The following PRR14L variants were observed in gnomAD, a reference collection of about 807,000 sequenced individuals.
PRR14L encodes the protein protein PRR14L.
Under a neutral mutation model 155.0 loss-of-function variants are expected in PRR14L, and 80 were observed. The observed-to-expected ratio is 0.52, with a 90% confidence interval of 0.43 to 0.62. PRR14L has a LOEUF of 0.62. Among genes scored for constraint, PRR14L ranks in the 20% least tolerant of loss-of-function variants. PRR14L has a pLI of 0.00. For missense variants in PRR14L, 2,469 were observed against 2,548.0 expected (o/e 0.97, Z 0.67); for synonymous variants, 883 against 916.0 (o/e 0.96, Z 0.65).
At chr22:31,749,099 T>C (rs2074857080) in intron 1 of PRR14L, among the ~76,000 whole-genome samples, 2 of 152,226 alleles carry the variant, frequency 1.3e-5, no homozygotes, top group Admixed American at 6.5e-5. Context: ...AAAAGCTTAC[T>C]ATATAACTAG....
chr22:31,690,958 C>T lies in PRR14L; in HGVS notation c.6108-2731G>A, dbSNP rs1194862180. Reference sequence around the variant, plus strand: ...CCCGGCCTCCAGCTAATTTTTTTTTCTTTTCTATTTCTTTTTTTTTTTTGA... The same window carrying T: ...CCCGGCCTCCAGCTAATTTTTTTTTTTTTTCTATTTCTTTTTTTTTTTTGA... On this transcript the variant is annotated intron_variant, in intron 7 of 8. Transcript: ENST00000327423. Among the ~76,000 whole-genome samples, 9 of 143,056 alleles carry T rather than the reference C, an allele frequency of 6.3e-5. No individual in the cohort carries two copies. In the South Asian group the frequency reaches 6.7e-4, roughly 11 times the overall value. The allele number at this position is 143,056 out of a possible 152,430, so 93.9% of individuals were successfully genotyped here. A position where few individuals can be genotyped will look rare whatever the true frequency, so the allele number is the denominator to read the frequency against.
intron 4 of PRR14L, 42 bp downstream of exon 4, chr22:31,712,041 G>C (rs752367984): frequency 4.9e-5 from 75 of 1,534,020 alleles, no homozygotes; most frequent in Non-Finnish European, 5.9e-5. Context: ...GAGACAGGAA[G>C]CAAATATGGG....
intron 2 of PRR14L, among the ~76,000 whole-genome samples, chr22:31,737,150 G>A (rs1010545554): frequency 1.3e-5 from 2 of 151,964 alleles, no homozygotes; most frequent in African/African-American, 4.8e-5. Context: ...ACCACCCTGT[G>A]GAGAGAGTCC....
At chr22:31,718,359 C>G (rs553441729) in intron 3 of PRR14L, among the ~76,000 whole-genome samples, 10 of 151,598 alleles carry the variant, frequency 6.6e-5, no homozygotes, top group African/African-American at 2.4e-4. Context: ...GGGTTCATGC[C>G]ATTCTCCTGC....
Position 31,712,424 on chromosome 22 carries a change from G to A in PRR14L, c.5415C>T (p.Gly1805=). 6.4e-7 allele frequency: 1 copy of A among 1,571,638 alleles called. No homozygotes were observed. Among genetic ancestry groups the A allele is most frequent in the Non-Finnish European group, 8.6e-7 (1 of 1,157,830 alleles). Residue 1805 remains glycine (G), a synonymous_variant, in exon 4 of 9, where the codon GGC becomes GGT. Coordinates refer to ENST00000327423, the MANE Select transcript of PRR14L (RefSeq NM_173566.3). ...CTGCTCTGGTCTGGACTATGGCAGT[G>A]CCTCCATAGTCTTGGAGAGGAGCTG... The part of the protein sequence containing the change: ...QPPAPLQDYG[G]TAIVQTRADC...
intron 5 of PRR14L, 48 bp downstream of exon 5, chr22:31,704,607 A>ACACACACACGCACACGCG (rs1360692136): frequency 2.7e-6 from 4 of 1,466,938 alleles, no homozygotes; most frequent in Non-Finnish European, 2.9e-6. Flanking sequence ...TCTCTCTTGC[A>ACACACACACGCACACGCG]CACACACACG....
chr22:31,716,124 A>G lies in PRR14L; in HGVS notation c.1715T>C (p.Ile572Thr), dbSNP rs1275599017. The change falls in exon 4 of 9, where the codon ATT becomes ACT. Residue 572 changes from isoleucine (I) to threonine (T), a missense_variant. Coordinates refer to ENST00000327423, the MANE Select transcript of PRR14L (RefSeq NM_173566.3). Reference protein sequence around the residue: ...CNDFLFERKSIVSLMPEDQIS... With the variant: ...CNDFLFERKSTVSLMPEDQIS... ...TTGATCCTCTGGCATTAAACTCACA[A>G]TGGATTTTCTTTCAAACAGAAAATC... 3.2e-6 allele frequency: 5 copies of G among 1,551,388 alleles called. No homozygotes were observed. Among genetic ancestry groups the G allele is most frequent in the South Asian group, 1.2e-5 (1 of 84,066 alleles).
Position 31,685,524 on chromosome 22 carries a change from T to C in PRR14L, c.*3A>G. 1.3e-6 allele frequency: 2 copies of C among 1,543,898 alleles called. No individual in the cohort carries two copies. The highest frequency in any genetic ancestry group is 1.8e-6 in the Non-Finnish European group (2 of 1,141,354). The stretch of plus-strand genomic sequence containing the variant: ...AATTGAGACCCTCAAACTGAATCGC[T>C]TCTCAACAGCCTGATGATTGTTCCT... On this transcript the variant is annotated 3_prime_UTR_variant, in exon 9 of 9. Coordinates refer to ENST00000327423, the MANE Select transcript of PRR14L (RefSeq NM_173566.3).
intron 4 of PRR14L, among the ~76,000 whole-genome samples, chr22:31,710,089 C>T (rs2074613265): frequency 6.6e-6 from 1 of 152,062 alleles, no homozygotes; most frequent in South Asian, 2.1e-4. Flanking sequence ...TACAGGCATA[C>T]ACCACTATGC....
At chr22:31,744,186 G>T (rs1251248688) in intron 1 of PRR14L, among the ~76,000 whole-genome samples, 1 of 149,378 alleles carries the variant, frequency 6.7e-6, no homozygotes, top group Non-Finnish European at 1.5e-5. Context: ...AGGCTGGAGT[G>T]CAACAGTGCG....
intron 7 of PRR14L, among the ~76,000 whole-genome samples, chr22:31,699,950 A>T (rs1250567900): frequency 6.6e-6 from 1 of 152,086 alleles, no homozygotes; most frequent in African/African-American, 2.4e-5. Context: ...AAGATTTATT[A>T]AAAATTTTAT....
At chr22:31,747,613 T>G (rs938681240) in intron 1 of PRR14L, among the ~76,000 whole-genome samples, 1 of 151,676 alleles carries the variant, frequency 6.6e-6, no homozygotes, top group Non-Finnish European at 1.5e-5. Flanking sequence ...AAAGAATAAC[T>G]TTTCTATTTC....
intron 7 of PRR14L, among the ~76,000 whole-genome samples, chr22:31,700,094 G>C (rs1452534138): frequency 1.3e-5 from 2 of 151,856 alleles, no homozygotes; most frequent in Non-Finnish European, 2.9e-5. Context: ...CTAATGCCTG[G>C]GCAACAGAAC....
chr22:31,727,449 G>A (rs1003710508), intron 2 of PRR14L, among the ~76,000 whole-genome samples: 6 of 151,718 alleles, frequency 4.0e-5, no homozygotes, highest in African/African-American at 1.4e-4. Context: ...TGCTCAAGCT[G>A]GTCTCGAACT....
chr22:31,689,136 T>C (rs956434107), intron 7 of PRR14L, among the ~76,000 whole-genome samples: 4 of 152,200 alleles, frequency 2.6e-5, no homozygotes, highest in Admixed American at 6.5e-5. Context: ...TTTTAATCTA[T>C]TGAACTTATT....
In PRR14L at chr22:31,715,293, AC is replaced by A; in HGVS notation, c.2545del (p.Val849Ter). The A allele has an allele frequency of 6.4e-7, 1 of 1,552,114 alleles. No individual in the cohort carries two copies. The highest frequency in any genetic ancestry group is 8.7e-7 in the Non-Finnish European group (1 of 1,147,072). Reference protein sequence around the residue: ...GHSVEKSSCKVSYTSQERELD... With the variant: ...GHSVEKSSCKXSYTSQERELD... ...TTCCCTTTCCTGTGATGTGTAACTC[AC>A]TTTACAGCTGCTTTTTTCCACAGAG... On this transcript the variant is annotated frameshift_variant, in exon 4 of 9. Transcript: ENST00000327423. LOFTEE classifies it high-confidence loss of function.
chr22:31,696,596 T>C (rs1001855768), intron 7 of PRR14L, among the ~76,000 whole-genome samples: 4 of 152,202 alleles, frequency 2.6e-5, no homozygotes, highest in Non-Finnish European at 4.4e-5. Flanking sequence ...CTAAAAGTGA[T>C]ACATCTAAGA....
At chr22:31,736,180 C>T (rs866952908) in intron 2 of PRR14L, among the ~76,000 whole-genome samples, 2 of 147,302 alleles carry the variant, frequency 1.4e-5, no homozygotes, top group South Asian at 2.1e-4. Flanking sequence ...GATTGCGCCA[C>T]TGCACTCCAG....
rs563736159 is a variant in PRR14L, at chr22:31,689,473, G to A, written c.6108-1246C>T. 3.5e-4 allele frequency among the ~76,000 whole-genome samples: 53 copies of A among 152,210 alleles called. No individual in the cohort carries two copies. In the South Asian group the frequency reaches 7.1e-3, roughly 20 times the overall value. On this transcript the variant is annotated intron_variant, in intron 7 of 8. Coordinates refer to ENST00000327423, the MANE Select transcript of PRR14L (RefSeq NM_173566.3). ...TGTAATCACTCTCCAAGGAGCCCAGGTTCACCTATCATAAAATTCATCCAT... is the reference window on the plus strand; with the variant it reads ...TGTAATCACTCTCCAAGGAGCCCAGATTCACCTATCATAAAATTCATCCAT...
Sources: gnomAD v4.1 joint callset for allele counts (sites outside exome capture counted in the v4.1 genomes callset) on GRCh38, gnomAD v4.1.1 for gene constraint, MANE v1.5 for transcripts, NCBI Gene and HGNC (gene_info 2026-07-23, HGNC 2026-07-21) for gene names.